The following SYT1 variants were observed in gnomAD, a reference collection of about 807,000 sequenced individuals.
SYT1 encodes synaptotagmin-1.
A neutral mutation model predicts 44.8 loss-of-function variants in SYT1; 8 were observed. The ratio of observed to expected loss-of-function variants is 0.18; its 90% CI spans 0.10 to 0.32. The LOEUF (loss-of-function observed/expected upper bound fraction) is 0.32, where lower values mean the gene tolerates loss of function less well. SYT1 is among the 10% of genes least tolerant of loss of function. SYT1 has a pLI of 1.00. For missense variants in SYT1, 286 were observed against 509.3 expected, an observed-to-expected ratio of 0.56 and a Z score of 4.22; for synonymous variants, 154 against 188.8, an observed-to-expected ratio of 0.82 and a Z score of 1.51.
At chr12:79,314,809 C>G (rs918386469) in intron 8 of SYT1, among the ~76,000 whole-genome samples, 3 of 152,104 alleles carry the variant, frequency 2.0e-5, no homozygotes, top group Non-Finnish European at 2.9e-5. Context: ...AAAGTAGAAA[C>G]AACCAAAATA....
intron 8 of SYT1, among the ~76,000 whole-genome samples, chr12:79,346,078 C>T (rs73353002): frequency 0.013 from 2,011 of 152,290 alleles, 38 homozygotes; most frequent in African/African-American, 0.044. Context: ...TACAGTGTTT[C>T]CATCAAATGT....
chr12:78,866,071 A>G (rs1031347807), intron 1 of SYT1, among the ~76,000 whole-genome samples: 2 of 152,206 alleles, frequency 1.3e-5, no homozygotes, highest in African/African-American at 4.8e-5. Context: ...GAGAAAGCTA[A>G]TCTTCTAGTT....
chr12:79,381,186 C>A (rs1056912485), intron 9 of SYT1, among the ~76,000 whole-genome samples: 2 of 152,140 alleles, frequency 1.3e-5, no homozygotes, highest in African/African-American at 4.8e-5. Flanking sequence ...GCTGAATTCC[C>A]TGATTCCTAC....
At chr12:79,333,978 A>T (rs1353171081) in intron 8 of SYT1, among the ~76,000 whole-genome samples, 2 of 152,182 alleles carry the variant, frequency 1.3e-5, no homozygotes, top group Admixed American at 6.5e-5. Context: ...ATGGTCCGTG[A>T]CATTGCTCCC....
chr12:78,896,729 C>T (rs982638632), intron 1 of SYT1, among the ~76,000 whole-genome samples: 3 of 151,558 alleles, frequency 2.0e-5, no homozygotes, highest in Non-Finnish European at 4.4e-5. Context: ...ATTTAAAACA[C>T]TACAAAATAT....
intron 4 of SYT1, among the ~76,000 whole-genome samples, chr12:79,221,306 T>C (rs1284312423): frequency 6.6e-6 from 1 of 152,168 alleles, no homozygotes. Flanking sequence ...ATTCTGTATG[T>C]CCTTACAGAT....
At chr12:79,196,120 T>C (rs1444360716) in intron 3 of SYT1, among the ~76,000 whole-genome samples, 1 of 152,004 alleles carries the variant, frequency 6.6e-6, no homozygotes, top group African/African-American at 2.4e-5. Context: ...AGCAATAAAA[T>C]GTACATGGAG....
intron 3 of SYT1, among the ~76,000 whole-genome samples, chr12:79,201,952 AAAG>A (rs1873814309): frequency 6.6e-6 from 1 of 152,178 alleles, no homozygotes; most frequent in Admixed American, 6.6e-5. Flanking sequence ...AAAAAAGTCT[AAAG>A]AAATGAGCCA....
chr12:79,151,906 TG>T (rs970410284), intron 3 of SYT1, among the ~76,000 whole-genome samples: 5 of 152,232 alleles, frequency 3.3e-5, no homozygotes, highest in Non-Finnish European at 5.9e-5. Context: ...TCAGCAAAGT[TG>T]AATGTCAAAC....
chr12:78,910,467 A>T (rs556046169), intron 1 of SYT1, among the ~76,000 whole-genome samples: 2 of 152,028 alleles, frequency 1.3e-5, no homozygotes, highest in South Asian at 4.1e-4. Flanking sequence ...TGCCCTTTTA[A>T]TTGATTTCTC....
chr12:79,385,495 C>T (rs752762769), intron 9 of SYT1, among the ~76,000 whole-genome samples: 1 of 151,888 alleles, frequency 6.6e-6, no homozygotes, highest in Non-Finnish European at 1.5e-5. Context: ...CCTAGTTATG[C>T]GTGTTTATTC....
intron 4 of SYT1, among the ~76,000 whole-genome samples, chr12:79,246,638 T>G (rs953723562): frequency 6.6e-6 from 1 of 152,210 alleles, no homozygotes; most frequent in Non-Finnish European, 1.5e-5. Flanking sequence ...AAATACTGTG[T>G]GAAGCCTCTT....
intron 8 of SYT1, among the ~76,000 whole-genome samples, chr12:79,346,401 T>A (rs1882608858): frequency 6.6e-6 from 1 of 152,170 alleles, no homozygotes; most frequent in Admixed American, 6.5e-5. Flanking sequence ...AAAGAGCAGG[T>A]AAATTTCTCT....
chr12:79,381,868 A>T (rs1344180107), intron 9 of SYT1, among the ~76,000 whole-genome samples: 1 of 152,192 alleles, frequency 6.6e-6, no homozygotes, highest in Non-Finnish European at 1.5e-5. Flanking sequence ...ACATGAACAG[A>T]TAAAATAATA....
At chr12:79,055,676 A>T (rs1874878979) in intron 3 of SYT1, among the ~76,000 whole-genome samples, 1 of 152,022 alleles carries the variant, frequency 6.6e-6, no homozygotes, top group Non-Finnish European at 1.5e-5. Context: ...AATGAAAATG[A>T]ATCCTATTTT....
intron 3 of SYT1, among the ~76,000 whole-genome samples, chr12:79,119,075 C>A (rs1290687212): frequency 1.3e-5 from 2 of 151,980 alleles, no homozygotes; most frequent in African/African-American, 2.4e-5. Context: ...TTCTCCATTA[C>A]CCCTAATATA....
intron 1 of SYT1, among the ~76,000 whole-genome samples, chr12:78,916,546 A>C (rs1876665264): frequency 6.6e-6 from 1 of 151,902 alleles, no homozygotes; most frequent in African/African-American, 2.4e-5. Context: ...AAATTTAGTT[A>C]TTACTTATTG....
intron 2 of SYT1, among the ~76,000 whole-genome samples, chr12:79,040,756 G>T (rs1873495920): frequency 2.0e-5 from 3 of 152,048 alleles, no homozygotes; most frequent in Admixed American, 6.5e-5. Context: ...TATGGTTTTA[G>T]GTCTAACGTT....
At chr12:79,400,067 G>A (rs1885017750) in intron 9 of SYT1, among the ~76,000 whole-genome samples, 2 of 152,062 alleles carry the variant, frequency 1.3e-5, no homozygotes, top group Non-Finnish European at 2.9e-5. Context: ...AAGATGACTG[G>A]AATATACCTA....
Sources: gnomAD v4.1 joint callset for allele counts (sites outside exome capture counted in the v4.1 genomes callset) on GRCh38, gnomAD v4.1.1 for gene constraint, MANE v1.5 for transcripts, NCBI Gene and HGNC (gene_info 2026-07-23, HGNC 2026-07-21) for gene names.